SENP2: variants seen among roughly 807,000 people sequenced by gnomAD.
SENP2 encodes the protein sentrin-specific protease 2.
A neutral mutation model predicts 86.3 loss-of-function variants in SENP2; 16 were observed. The ratio of observed to expected loss-of-function variants is 0.19; its 90% CI spans 0.13 to 0.28. SENP2 has a LOEUF of 0.28. SENP2 is among the 10% of genes least tolerant of loss of function. The pLI, the probability that SENP2 is intolerant of heterozygous loss-of-function variation, is 1.00. For missense variants in SENP2, 552 were observed against 703.0 expected (o/e 0.79, Z 2.43); for synonymous variants, 222 against 238.7 (o/e 0.93, Z 0.64).
At chr3:185,602,742 T>C (rs1413646967) in intron 5 of SENP2, among the ~76,000 whole-genome samples, 1 of 141,884 alleles carries the variant, frequency 7.0e-6, no homozygotes, top group Non-Finnish European at 1.5e-5. Flanking sequence ...GCTGAGGCAG[T>C]AGAATTGCTT....
chr3:185,614,578 A>G lies in SENP2; in HGVS notation c.948A>G (p.Gln316=). 1 of 1,613,044 alleles carries G rather than the reference A, an allele frequency of 6.2e-7. No homozygotes were observed. Among genetic ancestry groups the G allele is most frequent in the South Asian group, 1.1e-5 (1 of 90,998 alleles). The change falls in exon 11 of 17, where the codon CAA becomes CAG. Residue 316 remains glutamine, a synonymous_variant. Coordinates refer to ENST00000296257, the MANE Select transcript of SENP2 (RefSeq NM_021627.3). ...RFENESRRGY[Q]LEPDLSEEVS... is the part of the protein sequence containing the mutation. The stretch of plus-strand genomic sequence containing the variant: ...TTTTTGATCAGAGGAGGGGATACCA[A>G]CTGGAGCCTGACCTATCAGAAGAAG...
chr3:185,609,484 A>AT, intron 7 of SENP2, 134 bp downstream of exon 7: 1 of 613,136 alleles, frequency 1.6e-6, no homozygotes, highest in Non-Finnish European at 2.8e-6. Context: ...ATTTGCCTGG[A>AT]TATTTATCTA....
chr3:185,594,116 G>A (rs1722098205), intron 2 of SENP2, among the ~76,000 whole-genome samples: 1 of 151,312 alleles, frequency 6.6e-6, no homozygotes, highest in Admixed American at 6.6e-5. Flanking sequence ...AGCCAAAAAA[G>A]GAAGTCAGTT....
intron 6 of SENP2, among the ~76,000 whole-genome samples, chr3:185,608,673 G>A (rs59926388): frequency 2.3e-3 from 350 of 152,218 alleles, no homozygotes; most frequent in African/African-American, 7.9e-3. Context: ...GAAGAGATAC[G>A]GGCAAACCAT....
At chr3:185,615,405 G>A (rs891633551) in intron 11 of SENP2, among the ~76,000 whole-genome samples, 8 of 152,004 alleles carry the variant, frequency 5.3e-5, no homozygotes, top group Non-Finnish European at 1.2e-4. Flanking sequence ...GTGCAATGGC[G>A]CGATCTTGGC....
At position 185,611,617 on chromosome 3, in the gene SENP2, G is replaced by A. The variant is rs780481204; in HGVS notation, c.723-34G>A. On this transcript the variant is annotated intron_variant, in intron 7 of 16. Coordinates refer to ENST00000296257, the MANE Select transcript of SENP2 (RefSeq NM_021627.3). The stretch of plus-strand genomic sequence containing the variant: ...CATATTAATGGTAGACTTTGCTTTT[G>A]TATCTGATCTCCCTCACTTTTTGTG... The A allele has an allele frequency of 2.6e-5, 38 of 1,460,948 alleles. No homozygotes were observed. The South Asian group carries it at 3.5e-4, about 14-fold the overall frequency. The allele number at this position is 1,460,948 out of a possible 1,614,324, so 90.5% of individuals were successfully genotyped here.
Position 185,606,464 on chromosome 3 carries a change from A to G in SENP2, c.584A>G (p.Lys195Arg). 1 of 1,612,984 alleles carries G rather than the reference A, an allele frequency of 6.2e-7. No individual in the cohort carries two copies. The change falls in exon 6 of 17, where the codon AAG (lysine) becomes AGG (arginine). Residue 195 changes from lysine (K) to arginine (R), a missense_variant. Lys to Arg is a conservative substitution (Grantham distance 26, BLOSUM62 2). This residue lies in a region of SENP2 where 383 missense variants were observed against 427.3 expected (regional missense o/e 0.90). Coordinates refer to ENST00000296257, the MANE Select transcript of SENP2 (RefSeq NM_021627.3). ...VTEMISEESG[K>R]GLRRPHCTVE... ...GAGATGATTTCTGAAGAGAGTGGCA[A>G]GGGTCTGAGGCGTCCCCATTGTACT...
At chr3:185,628,320 A>G (rs1712241725) in intron 16 of SENP2, among the ~76,000 whole-genome samples, 1 of 152,080 alleles carries the variant, frequency 6.6e-6, no homozygotes, top group Non-Finnish European at 1.5e-5. Flanking sequence ...TATTTTTAGT[A>G]GAGACAGGGT....
chr3:185,625,314 T>C (rs1049945596), intron 15 of SENP2, among the ~76,000 whole-genome samples: 3 of 152,134 alleles, frequency 2.0e-5, no homozygotes, highest in Admixed American at 6.6e-5. Context: ...AGTTTCACCA[T>C]GTTAGCCAGG....
intron 4 of SENP2, among the ~76,000 whole-genome samples, chr3:185,599,957 CTGGCTAATTT>C: frequency 6.6e-6 from 1 of 152,034 alleles, no homozygotes; most frequent in Middle Eastern, 3.2e-3. Context: ...CGCCACCACC[CTGGCTAATTT>C]TGTATTTTTA....
Position 185,619,386 on chromosome 3 carries a change from C to A in SENP2, c.1330C>A (p.Pro444Thr). 1 of 1,613,666 alleles carries A rather than the reference C, an allele frequency of 6.2e-7. No individual in the cohort carries two copies. Among genetic ancestry groups the A allele is most frequent in the Non-Finnish European group, 8.5e-7 (1 of 1,179,620 alleles). The change falls in exon 13 of 17, where the codon CCT becomes ACT. Residue 444 changes from proline to threonine, a missense_variant. Around this residue, in one of 2 missense-constraint regions of SENP2, gnomAD observed 169 missense variants for 275.7 expected, o/e 0.61. Transcript: ENST00000296257. ...TCATGTATTCAGTACTTTCTTCTAT[C>A]CTAAATTAAAGTCTGGGGGTTACCA... ...ALHVFSTFFY[P>T]KLKSGGYQAV...
In SENP2 at chr3:185,630,413, TTTTTTG is replaced by T. The variant is rs903991210; in HGVS notation, c.*581_*586del. On this transcript the variant is annotated 3_prime_UTR_variant, in exon 17 of 17. Coordinates refer to ENST00000296257, the MANE Select transcript of SENP2 (RefSeq NM_021627.3). ...ACATGAAGCTGGAGGGTTTGGGATT[TTTTTTG>T]TTTTTGTTTTTTTGAGGCTCAAAAA... The T allele has an allele frequency of 2.0e-5, 3 of 152,976 alleles. No homozygotes were observed. Among genetic ancestry groups the T allele is most frequent in the African/African-American group, 7.2e-5 (3 of 41,448 alleles). 9.5% of individuals were successfully genotyped at this position (152,976 alleles called of 1,614,324 possible). A position where few individuals can be genotyped will look rare whatever the true frequency, so the allele number is the denominator to read the frequency against.
In SENP2 at chr3:185,629,765, TA is replaced by T; in HGVS notation, c.1708-16del. ...ATTAATATGTAATGCGGGCGTTGTT[TA>T]TGGGGTTCTTTGCAGCACCAGATGC... is the stretch of plus-strand genomic sequence containing the variant. On this transcript the variant is annotated splice_polypyrimidine_tract_variant and intron_variant, in intron 16 of 16. Coordinates refer to ENST00000296257, the MANE Select transcript of SENP2 (RefSeq NM_021627.3). 1 of 1,613,938 alleles carries T rather than the reference TA, an allele frequency of 6.2e-7. No homozygotes were observed.
Position 185,586,645 on chromosome 3 carries a change from C to G in SENP2, c.101+131C>G, listed in dbSNP as rs1721793238. 9.9e-6 allele frequency: 8 copies of G among 806,116 alleles called. No homozygotes were observed. In the East Asian group the frequency reaches 1.8e-4, roughly 19 times the overall value. The allele number at this position is 806,116 out of a possible 1,614,324, so 49.9% of individuals were successfully genotyped here. Reference sequence around the variant, plus strand: ...CGCCGGGATCCTAGTGACGTAGTCGCTCCCGCCAGGCTGTAGGGAGGCAGC... The same window carrying G: ...CGCCGGGATCCTAGTGACGTAGTCGGTCCCGCCAGGCTGTAGGGAGGCAGC... On this transcript the variant is annotated intron_variant, in intron 1 of 16. Transcript: ENST00000296257. This position sits in a 1 kb window ranked among gnomAD's most constrained non-coding sequence, Gnocchi z 4.3.
At chr3:185,616,488 AAAG>A (rs1711611140) in intron 11 of SENP2, among the ~76,000 whole-genome samples, 1 of 149,668 alleles carries the variant, frequency 6.7e-6, no homozygotes, top group South Asian at 2.1e-4. Flanking sequence ...AAAAAAAAAA[AAAG>A]AAGGGCCAGG....
In SENP2 at chr3:185,617,564, CGAG is replaced by C; in HGVS notation, c.1199_1201del (p.Gly400del). On this transcript the variant is annotated inframe_deletion, in exon 12 of 17. Coordinates refer to ENST00000296257, the MANE Select transcript of SENP2 (RefSeq NM_021627.3). ...TAGTGCTTTCAAATTGCGAATTACT[CGAG>C]GAGATATTCAGACATTAAAGAACTA... The C allele has an allele frequency of 6.2e-7, 1 of 1,613,656 alleles. No homozygotes were observed. Among genetic ancestry groups the C allele is most frequent in the Non-Finnish European group, 8.5e-7 (1 of 1,179,716 alleles).
intron 5 of SENP2, among the ~76,000 whole-genome samples, chr3:185,602,830 C>CT (rs1379232704): frequency 1.8e-5 from 1 of 54,560 alleles, no homozygotes; most frequent in Non-Finnish European, 3.2e-5. Flanking sequence ...GAGACTCTGT[C>CT]TTAAAAAAAA....
At chr3:185,626,258 T>C (rs1712139808) in intron 15 of SENP2, 40 bp from the exon 16 acceptor site, 2 of 1,318,942 alleles carry the variant, frequency 1.5e-6, no homozygotes, top group Non-Finnish European at 2.2e-6. Context: ...TTTAATGATG[T>C]TTTACCCTTT....
At chr3:185,612,798 G>C in intron 9 of SENP2, 140 bp downstream of exon 9, 1 of 589,708 alleles carries the variant, frequency 1.7e-6, no homozygotes, top group Admixed American at 2.9e-5. Flanking sequence ...GGGTAGATAG[G>C]TAGCTAGCTG....
Sources: allele counts gnomAD v4.1 joint callset (sites outside exome capture counted in the v4.1 genomes callset), GRCh38; gene constraint gnomAD v4.1.1; regional missense constraint gnomAD v4.1.1; non-coding constraint Gnocchi (gnomAD v3.1); transcripts MANE v1.5; gene names NCBI Gene and HGNC (gene_info 2026-07-23, HGNC 2026-07-21).